TRPC7: variants seen among roughly 807,000 people sequenced by gnomAD.
The protein encoded by TRPC7 is transient receptor potential cation channel subfamily C member 7.
In TRPC7, 42 loss-of-function variants were observed where a neutral mutation model predicts 90.1. The ratio of observed to expected loss-of-function variants is 0.47; its 90% CI spans 0.36 to 0.60. The LOEUF (loss-of-function observed/expected upper bound fraction) is 0.60, where lower values mean the gene tolerates loss of function less well. TRPC7 is among the 20% of genes least tolerant of loss of function. The pLI is 0.00. For synonymous variants in TRPC7, 451 were observed against 436.3 expected (o/e 1.03, Z -0.42); for missense variants, 955 against 1,112.3 (o/e 0.86, Z 2.01).
chr5:136,256,479 C>A (rs1039131804), intron 5 of TRPC7, among the ~76,000 whole-genome samples: 2 of 152,116 alleles, frequency 1.3e-5, no homozygotes, highest in Admixed American at 6.5e-5. Flanking sequence ...TTTCCAGTGC[C>A]AATATTACAT....
chr5:136,223,778 T>C (rs1279996642), intron 10 of TRPC7, among the ~76,000 whole-genome samples: 1 of 152,110 alleles, frequency 6.6e-6, no homozygotes, highest in Admixed American at 6.5e-5. Context: ...CCCTAACCCA[T>C]TGGGTATCTA....
chr5:136,228,585 G>C (rs1055061431), intron 8 of TRPC7, among the ~76,000 whole-genome samples: 7 of 151,194 alleles, frequency 4.6e-5, no homozygotes, highest in Non-Finnish European at 8.8e-5. Flanking sequence ...GCAGGGCAGA[G>C]CTCTCTGCTG....
At chr5:136,250,295 T>C (rs1187511268) in intron 6 of TRPC7, among the ~76,000 whole-genome samples, 2 of 152,236 alleles carry the variant, frequency 1.3e-5, no homozygotes, top group Admixed American at 6.5e-5. Context: ...TACTCAACTT[T>C]TGCGTTAAGC....
chr5:136,320,743 C>A (rs1326759721), intron 2 of TRPC7, among the ~76,000 whole-genome samples: 1 of 152,164 alleles, frequency 6.6e-6, no homozygotes, highest in Middle Eastern at 3.2e-3. Flanking sequence ...TTAGTGTGGA[C>A]CAGACCTTTA....
intron 2 of TRPC7, among the ~76,000 whole-genome samples, chr5:136,325,046 GC>G (rs1759303670): frequency 8.3e-6 from 1 of 120,450 alleles, no homozygotes; most frequent in Non-Finnish European, 1.7e-5. Context: ...AGATATTTCT[GC>G]TTTTGACATT....
intron 2 of TRPC7, among the ~76,000 whole-genome samples, chr5:136,334,275 C>A (rs1343136291): frequency 6.6e-6 from 1 of 152,148 alleles, no homozygotes; most frequent in Non-Finnish European, 1.5e-5. Context: ...AATTAAAGAG[C>A]ACCATATGTA....
At chr5:136,343,277 T>C (rs1324162241) in intron 2 of TRPC7, among the ~76,000 whole-genome samples, 1 of 152,126 alleles carries the variant, frequency 6.6e-6, no homozygotes, top group African/African-American at 2.4e-5. Context: ...GACAGACAAA[T>C]ATAACTGATG....
intron 10 of TRPC7, among the ~76,000 whole-genome samples, chr5:136,224,569 C>T (rs939496994): frequency 6.6e-6 from 1 of 152,164 alleles, no homozygotes; most frequent in East Asian, 1.9e-4. Flanking sequence ...TCACCCTGCT[C>T]GTACCCCAAT....
intron 5 of TRPC7, among the ~76,000 whole-genome samples, chr5:136,254,831 C>T (rs1470370267): frequency 6.6e-6 from 1 of 152,110 alleles, no homozygotes; most frequent in Non-Finnish European, 1.5e-5. Flanking sequence ...AAGGATTTAT[C>T]GTTTTAGATG....
intron 2 of TRPC7, among the ~76,000 whole-genome samples, chr5:136,329,052 A>G (rs1251581913): frequency 1.3e-5 from 2 of 152,208 alleles, no homozygotes; most frequent in African/African-American, 2.4e-5. Flanking sequence ...CTGCTGGCAC[A>G]TTGGTCTCCA....
rs1053829444 is a variant in TRPC7 at position 136,216,332 on chromosome 5, T to G, written c.2344-57A>C. On this transcript the variant is annotated intron_variant, in intron 10 of 11. Transcript: ENST00000513104. ...GGGCTGGCCTAATGCAGAGGCAGCC[T>G]GCGTGGTGTAGCAGGACCCCTCCCT... 3 of 1,410,446 alleles carry G rather than the reference T, an allele frequency of 2.1e-6. No homozygotes were observed. The African/African-American group carries it at 4.2e-5, about 20-fold the overall frequency. The allele number at this position is 1,410,446 out of a possible 1,614,324, so 87.4% of individuals were successfully genotyped here. A position where few individuals can be genotyped will look rare whatever the true frequency, so the allele number is the denominator to read the frequency against.
chr5:136,235,788 G>T (rs1299577733), intron 7 of TRPC7, among the ~76,000 whole-genome samples: 1 of 152,158 alleles, frequency 6.6e-6, no homozygotes, highest in Non-Finnish European at 1.5e-5. Context: ...GCAACTACTG[G>T]CTCTACAACC....
At chr5:136,339,057 C>A (rs1468112745) in intron 2 of TRPC7, among the ~76,000 whole-genome samples, 2 of 152,118 alleles carry the variant, frequency 1.3e-5, no homozygotes, top group Non-Finnish European at 1.5e-5. Flanking sequence ...ACATTAAGTT[C>A]TTTTCATTGA....
At chr5:136,315,280 A>G (rs1758971594) in intron 3 of TRPC7, among the ~76,000 whole-genome samples, 3 of 152,134 alleles carry the variant, frequency 2.0e-5, no homozygotes. Context: ...AACTGATAGG[A>G]GCCCTCGCGG....
intron 7 of TRPC7, among the ~76,000 whole-genome samples, chr5:136,232,971 T>C (rs1755864749): frequency 6.6e-6 from 1 of 152,198 alleles, no homozygotes; most frequent in South Asian, 2.1e-4. Flanking sequence ...TGGTATTTAT[T>C]TGACAAGATG....
At chr5:136,303,450 T>C (rs976754267) in intron 3 of TRPC7, among the ~76,000 whole-genome samples, 1 of 152,152 alleles carries the variant, frequency 6.6e-6, no homozygotes, top group Non-Finnish European at 1.5e-5. Flanking sequence ...AGTAGCAATG[T>C]ATTTCTGAGT....
At chr5:136,241,766 G>A (rs552218109) in intron 7 of TRPC7, among the ~76,000 whole-genome samples, 1 of 152,200 alleles carries the variant, frequency 6.6e-6, no homozygotes, top group African/African-American at 2.4e-5. Context: ...ATGTTGGCCA[G>A]GCTGGTCTTA....
chr5:136,299,172 A>G (rs971379965), intron 3 of TRPC7, among the ~76,000 whole-genome samples: 7 of 151,968 alleles, frequency 4.6e-5, no homozygotes, highest in African/African-American at 1.2e-4. Context: ...GTGCTAGTGC[A>G]TGCCTGTAAT....
intron 3 of TRPC7, 117 bp from the exon 4 acceptor site, chr5:136,274,954 G>A (rs1757316295): frequency 1.6e-6 from 2 of 1,213,208 alleles, no homozygotes. Context: ...CCTGGGGGGT[G>A]GTTGAGGAAC....
Sources: gnomAD v4.1 joint callset for allele counts (sites outside exome capture counted in the v4.1 genomes callset) on GRCh38, gnomAD v4.1.1 for gene constraint, MANE v1.5 for transcripts, NCBI Gene and HGNC (gene_info 2026-07-23, HGNC 2026-07-21) for gene names.